FANCC: variants seen among roughly 807,000 people sequenced by gnomAD.
The protein encoded by FANCC is FA complementation group C.
In FANCC, 55 loss-of-function variants were observed where a neutral mutation model predicts 71.3. That is an observed-to-expected ratio of 0.77 (90% CI 0.62 to 0.97). FANCC has a LOEUF of 0.97. Among genes scored for constraint, FANCC ranks in the 50% least tolerant of loss-of-function variants. The pLI, the probability that FANCC is intolerant of heterozygous loss-of-function variation, is 0.00. For synonymous variants in FANCC, 275 were observed against 244.9 expected, an observed-to-expected ratio of 1.12 and a Z score of -1.15; for missense variants, 678 against 670.9, an observed-to-expected ratio of 1.01 and a Z score of -0.12.
chr9:95,291,290 T>C (rs1339384648), intron 1 of FANCC, among the ~76,000 whole-genome samples: 1 of 152,140 alleles, frequency 6.6e-6, no homozygotes, highest in Non-Finnish European at 1.5e-5. Flanking sequence ...AAACTGTCTA[T>C]GTTTACAGAT....
intron 6 of FANCC, among the ~76,000 whole-genome samples, chr9:95,150,736 G>A (rs1225188972): frequency 1.3e-5 from 2 of 152,124 alleles, no homozygotes; most frequent in Admixed American, 6.5e-5. Context: ...CTTCCATGGT[G>A]GGTCCCCATC....
chr9:95,307,066 G>A (rs964820926), intron 1 of FANCC, among the ~76,000 whole-genome samples: 15 of 152,038 alleles, frequency 9.9e-5, no homozygotes, highest in African/African-American at 3.6e-4. Context: ...TGTATTTTTT[G>A]TAGAGACAAG....
At chr9:95,167,538 G>T (rs1825380599) in intron 6 of FANCC, among the ~76,000 whole-genome samples, 1 of 152,088 alleles carries the variant, frequency 6.6e-6, no homozygotes, top group East Asian at 1.9e-4. Context: ...AATTTCAAAT[G>T]ATTTGTGTTT....
intron 7 of FANCC, among the ~76,000 whole-genome samples, chr9:95,136,016 G>A (rs1424523867): frequency 1.3e-5 from 2 of 152,150 alleles, no homozygotes; most frequent in African/African-American, 4.8e-5. Flanking sequence ...AACAACACAC[G>A]TACAGTGATT....
intron 3 of FANCC, among the ~76,000 whole-genome samples, chr9:95,242,479 C>CAAAAA (rs1162048314): frequency 8.1e-3 from 445 of 54,930 alleles, no homozygotes; most frequent in East Asian, 0.012. Flanking sequence ...CATTCACCAC[C>CAAAAA]AAAAAAAAAA....
intron 4 of FANCC, among the ~76,000 whole-genome samples, chr9:95,235,844 C>CA (rs10666439): frequency 0.56 from 20,308 of 36,208 alleles, 8,802 homozygotes; most frequent in Non-Finnish European, 0.62. Flanking sequence ...AACTCCACCT[C>CA]AAAAAAAAAA....
intron 1 of FANCC, among the ~76,000 whole-genome samples, chr9:95,315,666 C>T (rs1409221235): frequency 1.3e-5 from 2 of 152,216 alleles, no homozygotes; most frequent in African/African-American, 4.8e-5. Flanking sequence ...ATGCACATAT[C>T]CCAGCCTAAA....
chr9:95,292,221 A>G (rs1834066005), intron 1 of FANCC: 1 of 163,512 alleles, frequency 6.1e-6, no homozygotes, highest in African/African-American at 2.4e-5. Context: ...CTCTTCAATG[A>G]ATGGTGTTCA....
intron 10 of FANCC, among the ~76,000 whole-genome samples, chr9:95,122,263 T>C (rs2072946054): frequency 6.6e-6 from 1 of 152,194 alleles, no homozygotes; most frequent in African/African-American, 2.4e-5. Context: ...ATACTCATTT[T>C]ATTAAGAAGG....
At position 95,157,671 on chromosome 9, in the gene FANCC, G is replaced by A. The variant is rs979750344; in HGVS notation, c.522-7584C>T. 1.1e-4 allele frequency among the ~76,000 whole-genome samples: 17 copies of A among 152,136 alleles called. 1 individual carries two copies. The highest frequency in any genetic ancestry group is 5.9e-4 in the Admixed American group (9 of 15,274). On this transcript the variant is annotated intron_variant, in intron 6 of 14. Coordinates refer to ENST00000289081, the MANE Select transcript of FANCC (RefSeq NM_000136.3). ...AGTGTAATTCAATCTGGAAAGTGTT[G>A]CGTAACTCTCCACTTGAACTTGGAT... is the stretch of plus-strand genomic sequence containing the variant.
chr9:95,282,421 C>T (rs1016459660), intron 1 of FANCC, among the ~76,000 whole-genome samples: 1 of 151,848 alleles, frequency 6.6e-6, no homozygotes, highest in Non-Finnish European at 1.5e-5. Context: ...TGTCAGAGCA[C>T]CTAAATACAT....
At chr9:95,274,922 A>T (rs1260549456) in intron 1 of FANCC, among the ~76,000 whole-genome samples, 2 of 152,148 alleles carry the variant, frequency 1.3e-5, no homozygotes, top group Admixed American at 1.3e-4. Context: ...TGTATGATAC[A>T]AGTTCAGCAC....
intron 3 of FANCC, among the ~76,000 whole-genome samples, chr9:95,244,302 T>TC (rs1378092730): frequency 6.6e-6 from 1 of 152,314 alleles, no homozygotes; most frequent in East Asian, 1.9e-4. Flanking sequence ...CTGACCTGCT[T>TC]AAGTATCTCT....
rs183048810 is a variant in FANCC, at chr9:95,299,080, C to A, written c.-79+18446G>T. On this transcript the variant is annotated intron_variant, in intron 1 of 14. Coordinates refer to ENST00000289081, the MANE Select transcript of FANCC (RefSeq NM_000136.3). Reference sequence around the variant, plus strand: ...TTTAAGTGTTGACAGACAAAAAATACAGTTTTAGTCTAACACACCATTTAC... The same window carrying A: ...TTTAAGTGTTGACAGACAAAAAATAAAGTTTTAGTCTAACACACCATTTAC... 1.2e-4 allele frequency among the ~76,000 whole-genome samples: 18 copies of A among 152,300 alleles called. No homozygotes were observed. In the East Asian group the frequency reaches 2.9e-3, roughly 24 times the overall value.
intron 1 of FANCC, among the ~76,000 whole-genome samples, chr9:95,302,324 G>A (rs533857737): frequency 6.6e-5 from 10 of 152,204 alleles, no homozygotes; most frequent in African/African-American, 1.7e-4. Context: ...TGAACCCGGC[G>A]TCACTATTCA....
At chr9:95,170,926 C>T (rs1482953382) in intron 6 of FANCC, among the ~76,000 whole-genome samples, 153 bp downstream of exon 6, 2 of 152,050 alleles carry the variant, frequency 1.3e-5, no homozygotes, top group African/African-American at 2.4e-5. Flanking sequence ...AAAAAACTCA[C>T]CAATTTGCTA....
chr9:95,292,384 C>A, intron 1 of FANCC: 1 of 1,028,054 alleles, frequency 9.7e-7, no homozygotes, highest in Non-Finnish European at 1.2e-6. Context: ...ACGGCTCTGG[C>A]GGCGGGTGCC....
rs909525335 is a variant in FANCC at position 95,280,118 on chromosome 9, A to C, written c.-78-30749T>G. ...AGATATGTCATGCAAACATACAAAA[A>C]CAAGAAACTTAATTGTGGCTATACT... is the stretch of plus-strand genomic sequence containing the variant. On this transcript the variant is annotated intron_variant, in intron 1 of 14. Transcript: ENST00000289081. Among the ~76,000 whole-genome samples the C allele has an allele frequency of 2.1e-4, 32 of 152,160 alleles. 1 individual carries two copies. Among genetic ancestry groups the C allele is most frequent in the Non-Finnish European group, 5.9e-5 (4 of 68,034 alleles).
chr9:95,140,037 T>C (rs1038869116), intron 7 of FANCC, among the ~76,000 whole-genome samples: 1 of 151,974 alleles, frequency 6.6e-6, no homozygotes, highest in Non-Finnish European at 1.5e-5. Flanking sequence ...ACCAAAATCA[T>C]GAATTCAAGA....
Sources: gnomAD v4.1 joint callset for allele counts (sites outside exome capture counted in the v4.1 genomes callset) on GRCh38, gnomAD v4.1.1 for gene constraint, MANE v1.5 for transcripts, NCBI Gene and HGNC (gene_info 2026-07-23, HGNC 2026-07-21) for gene names.